GSG1L: variants seen among roughly 807,000 people sequenced by gnomAD.
GSG1L encodes the protein GSG1 like, also known as germ cell-specific gene 1-like protein.
GSG1L carries 24 observed loss-of-function variants against 42.1 expected under a neutral mutation model. That is an observed-to-expected ratio of 0.57 (90% CI 0.41 to 0.80). The LOEUF (loss-of-function observed/expected upper bound fraction) is 0.80. Ranked by LOEUF, GSG1L falls within the 30% of genes least tolerant of loss-of-function variation. GSG1L has a pLI of 0.00. For synonymous variants in GSG1L, 215 were observed against 203.5 expected, an observed-to-expected ratio of 1.06 and a Z score of -0.48; for missense variants, 445 against 472.2, an observed-to-expected ratio of 0.94 and a Z score of 0.53.
At chr16:28,027,431 A>G (rs1425888485) in intron 1 of GSG1L, among the ~76,000 whole-genome samples, 2 of 152,176 alleles carry the variant, frequency 1.3e-5, no homozygotes, top group Admixed American at 1.3e-4. Flanking sequence ...TGCAGGGCTT[A>G]TGAGGGGCCA....
intron 4 of GSG1L, among the ~76,000 whole-genome samples, chr16:27,842,249 A>G (rs573523304): frequency 2.2e-4 from 33 of 152,290 alleles, no homozygotes; most frequent in African/African-American, 7.9e-4. Flanking sequence ...ACAATATAAG[A>G]GCTGGTGTTT....
At chr16:28,006,063 C>T (rs982525567) in intron 1 of GSG1L, among the ~76,000 whole-genome samples, 30 of 152,046 alleles carry the variant, frequency 2.0e-4, no homozygotes, top group African/African-American at 7.2e-4. Flanking sequence ...AAATTCAGCC[C>T]GCTGTTGCTG....
intron 2 of GSG1L, among the ~76,000 whole-genome samples, chr16:27,948,419 G>T (rs12325500): frequency 0.45 from 68,978 of 151,826 alleles, 16,044 homozygotes; most frequent in African/African-American, 0.55. Context: ...TGTTGTCCAG[G>T]CTGGAGTGCA....
intron 2 of GSG1L, among the ~76,000 whole-genome samples, chr16:27,923,765 A>G (rs958092774): frequency 2.0e-5 from 3 of 151,670 alleles, no homozygotes; most frequent in African/African-American, 7.3e-5. Context: ...AGAAAGAAAG[A>G]AAGAAAGAGA....
chr16:28,061,818 C>T (rs972320171), intron 1 of GSG1L, among the ~76,000 whole-genome samples: 3 of 152,162 alleles, frequency 2.0e-5, no homozygotes, highest in African/African-American at 7.2e-5. Context: ...ACATGGAAGG[C>T]AGGTGGGAGA....
At chr16:28,043,638 A>G (rs1292801333) in intron 1 of GSG1L, among the ~76,000 whole-genome samples, 2 of 152,240 alleles carry the variant, frequency 1.3e-5, no homozygotes, top group African/African-American at 2.4e-5. Flanking sequence ...TGTACCCAGA[A>G]CACTGACAAC....
chr16:27,878,959 C>T (rs1042899002), intron 3 of GSG1L, among the ~76,000 whole-genome samples: 2 of 152,134 alleles, frequency 1.3e-5, no homozygotes, highest in African/African-American at 4.8e-5. Flanking sequence ...TAAATTGACT[C>T]AACAGGGTTT....
At chr16:27,857,481 C>T (rs1468783260) in intron 3 of GSG1L, among the ~76,000 whole-genome samples, 3 of 151,628 alleles carry the variant, frequency 2.0e-5, no homozygotes, top group Admixed American at 6.6e-5. Flanking sequence ...ATGGTTCACT[C>T]CTGTAATCCC....
intron 3 of GSG1L, among the ~76,000 whole-genome samples, chr16:27,875,488 A>G (rs1485970219): frequency 3.9e-5 from 6 of 152,174 alleles, no homozygotes; most frequent in Non-Finnish European, 7.3e-5. Flanking sequence ...GAGAAACTCA[A>G]AATAAGGCCT....
At chr16:27,918,063 C>T (rs1197384235) in intron 2 of GSG1L, among the ~76,000 whole-genome samples, 1 of 152,196 alleles carries the variant, frequency 6.6e-6, no homozygotes, top group Non-Finnish European at 1.5e-5. Context: ...CACACCTAGA[C>T]CCACATCCAA....
At chr16:27,810,664 A>G (rs1204669202) in intron 5 of GSG1L, among the ~76,000 whole-genome samples, 2 of 152,158 alleles carry the variant, frequency 1.3e-5, no homozygotes, top group South Asian at 2.1e-4. Flanking sequence ...TCAGTTCAAC[A>G]AAAGGATAAT....
chr16:28,017,458 C>T (rs2085794169), intron 1 of GSG1L, among the ~76,000 whole-genome samples: 1 of 152,212 alleles, frequency 6.6e-6, no homozygotes, highest in African/African-American at 2.4e-5. Context: ...TCCAGCAACT[C>T]CATTCAAAGG....
chr16:27,946,486 A>G (rs1383168398), intron 2 of GSG1L, among the ~76,000 whole-genome samples: 1 of 150,986 alleles, frequency 6.6e-6, no homozygotes, highest in African/African-American at 2.4e-5. Flanking sequence ...CAGAGGTTGC[A>G]GTGAGCCGAA....
chr16:27,787,760 C>T lies in GSG1L; in HGVS notation c.*3610G>A, dbSNP rs145905891. 1 of 152,210 alleles carries T rather than the reference C, an allele frequency of 6.6e-6. No homozygotes were observed. The highest frequency in any genetic ancestry group is 2.4e-5 in the African/African-American group (1 of 41,448). 9.4% of individuals were successfully genotyped at this position (152,210 alleles called of 1,614,324 possible). A position where few individuals can be genotyped will look rare whatever the true frequency, so the allele number is the denominator to read the frequency against. Reference sequence around the variant, plus strand: ...CATCTCCTGGACCTCCTGCGGTCCACTCGCCAACTTCAGAAGGACCCTGGG... The same window carrying T: ...CATCTCCTGGACCTCCTGCGGTCCATTCGCCAACTTCAGAAGGACCCTGGG... On this transcript the variant is annotated 3_prime_UTR_variant, in exon 7 of 7. Transcript: ENST00000447459.
At chr16:27,934,138 A>G (rs2084688045) in intron 2 of GSG1L, among the ~76,000 whole-genome samples, 2 of 152,142 alleles carry the variant, frequency 1.3e-5, no homozygotes, top group South Asian at 4.1e-4. Flanking sequence ...CATTAGTTCC[A>G]TTTGCAAGGG....
At chr16:28,029,561 ATGCATGGG>A (rs772367759) in intron 1 of GSG1L, among the ~76,000 whole-genome samples, 27 of 98,886 alleles carry the variant, frequency 2.7e-4, no homozygotes, top group African/African-American at 8.6e-4. Context: ...GGATGGATGG[ATGCATGGG>A]TGGATGGATG....
At chr16:27,877,505 C>A (rs1006015122) in intron 3 of GSG1L, among the ~76,000 whole-genome samples, 1 of 152,098 alleles carries the variant, frequency 6.6e-6, no homozygotes. Context: ...GGGTCCCTAG[C>A]AGTATCGTGA....
chr16:27,977,769 C>A (rs935309432), intron 1 of GSG1L, among the ~76,000 whole-genome samples: 2 of 152,066 alleles, frequency 1.3e-5, no homozygotes, highest in African/African-American at 4.8e-5. Context: ...AGTCTTGTCA[C>A]CTCTACACCC....
intron 1 of GSG1L, among the ~76,000 whole-genome samples, chr16:27,968,367 A>T (rs2085157616): frequency 6.6e-6 from 1 of 152,064 alleles, no homozygotes; most frequent in Admixed American, 6.5e-5. Context: ...CTCCTGCCTC[A>T]GCCTCCTGAG....
Sources: gnomAD v4.1 joint callset for allele counts (sites outside exome capture counted in the v4.1 genomes callset) on GRCh38, gnomAD v4.1.1 for gene constraint, MANE v1.5 for transcripts, NCBI Gene and HGNC (gene_info 2026-07-23, HGNC 2026-07-21) for gene names.